SLC4A10: variants seen among roughly 807,000 people sequenced by gnomAD.
The protein encoded by SLC4A10 is solute carrier family 4 member 10, also known as sodium-driven chloride bicarbonate exchanger.
In SLC4A10, 42 loss-of-function variants were observed where a neutral mutation model predicts 137.7. The observed-to-expected ratio is 0.30, with a 90% CI of 0.24 to 0.39. The LOEUF is 0.39. SLC4A10 is among the 10% of genes least tolerant of loss of function. The pLI is 1.00. For synonymous variants in SLC4A10, 474 were observed against 464.1 expected (o/e 1.02, Z -0.27); for missense variants, 925 against 1,355.0 (o/e 0.68, Z 4.98).
In SLC4A10 at chr2:161,677,750, A is replaced by G. The variant is rs546393306; in HGVS notation, c.48+53184A>G. ...TTCTGTTACTATGTTTACTTTATAT[A>G]TGATAAAACTGGTACATAGAGAATT... On this transcript the variant is annotated intron_variant, in intron 1 of 26. Coordinates refer to ENST00000446997, the MANE Select transcript of SLC4A10 (RefSeq NM_001178015.2). 4.6e-5 allele frequency among the ~76,000 whole-genome samples: 7 copies of G among 152,324 alleles called. No homozygotes were observed. In the East Asian group the frequency reaches 7.7e-4, roughly 17 times the overall value.
At chr2:161,951,422 A>G (rs1399997848) in intron 19 of SLC4A10, among the ~76,000 whole-genome samples, 1 of 152,136 alleles carries the variant, frequency 6.6e-6, no homozygotes, top group Admixed American at 6.5e-5. Flanking sequence ...TTACATTCTG[A>G]CCTTGCCATT....
At chr2:161,859,811 A>G (rs1333914414) in intron 5 of SLC4A10, among the ~76,000 whole-genome samples, 1 of 151,942 alleles carries the variant, frequency 6.6e-6, no homozygotes, top group Non-Finnish European at 1.5e-5. Flanking sequence ...CGTGTTAGCC[A>G]GGATGGTCTC....
intron 1 of SLC4A10, among the ~76,000 whole-genome samples, chr2:161,728,414 T>C (rs2046453867): frequency 2.6e-5 from 4 of 151,656 alleles, no homozygotes; most frequent in Non-Finnish European, 5.9e-5. Context: ...GTCTCTACCA[T>C]AAAATACAAA....
chr2:161,702,356 A>G (rs1458697648), intron 1 of SLC4A10, among the ~76,000 whole-genome samples: 1 of 151,948 alleles, frequency 6.6e-6, no homozygotes, highest in African/African-American at 2.4e-5. Context: ...TTATTATTTC[A>G]ATGGATTTTT....
Position 161,947,706 on chromosome 2 carries a change from T to C in SLC4A10, c.2244T>C (p.Thr748=), listed in dbSNP as rs747719167. ...CAGCCACCCTGAAGCAGTTCAAGAC[T>C]AGCAGATATTTTCCAACCAAGGTAC... ...TLSATLKQFK[T]SRYFPTKVRS... is the part of the protein sequence containing the mutation. Residue 748 remains threonine, a synonymous_variant, in exon 17 of 27, where the codon ACT becomes ACC. Coordinates refer to ENST00000446997, the MANE Select transcript of SLC4A10 (RefSeq NM_001178015.2). 58 of 1,612,176 alleles carry C rather than the reference T, an allele frequency of 3.6e-5. No individual in the cohort carries two copies. Among genetic ancestry groups the C allele is most frequent in the Non-Finnish European group, 4.8e-5 (57 of 1,179,064 alleles).
intron 1 of SLC4A10, chr2:161,708,731 T>A: frequency 6.5e-7 from 1 of 1,529,642 alleles, no homozygotes; most frequent in Non-Finnish European, 8.7e-7. Flanking sequence ...GCTGTGATTA[T>A]CTTTTGTAAG....
chr2:161,846,671 A>G (rs1366055462), intron 4 of SLC4A10, among the ~76,000 whole-genome samples: 1 of 152,214 alleles, frequency 6.6e-6, no homozygotes, highest in Non-Finnish European at 1.5e-5. Context: ...GATACACACA[A>G]TAACTTGAAT....
At chr2:161,723,862 T>C (rs1459691707) in intron 1 of SLC4A10, among the ~76,000 whole-genome samples, 1 of 152,234 alleles carries the variant, frequency 6.6e-6, no homozygotes, top group African/African-American at 2.4e-5. Flanking sequence ...CTTCCATATC[T>C]ATAGCTGAAA....
At chr2:161,893,839 T>C (rs1462757404) in intron 10 of SLC4A10, among the ~76,000 whole-genome samples, 6 of 151,854 alleles carry the variant, frequency 4.0e-5, no homozygotes, top group Admixed American at 3.3e-4. Flanking sequence ...AATCTAGAAA[T>C]GATTTAAAGT....
chr2:161,942,661 G>A, intron 15 of SLC4A10, 131 bp from the exon 16 acceptor site: 2 of 679,864 alleles, frequency 2.9e-6, no homozygotes, highest in Non-Finnish European at 5.1e-6. Flanking sequence ...AGTAGTTTAG[G>A]ATAACCTAAC....
intron 1 of SLC4A10, among the ~76,000 whole-genome samples, chr2:161,650,713 C>T (rs1241739155): frequency 6.6e-6 from 1 of 152,150 alleles, no homozygotes; most frequent in Non-Finnish European, 1.5e-5. Flanking sequence ...GCTGGGTGTG[C>T]ATGCACCCAC....
At chr2:161,952,838 C>T (rs1319831192) in intron 19 of SLC4A10, among the ~76,000 whole-genome samples, 1 of 152,164 alleles carries the variant, frequency 6.6e-6, no homozygotes, top group Non-Finnish European at 1.5e-5. Flanking sequence ...TTCCCGTTAA[C>T]AACAACAAAA....
At chr2:161,850,625 A>G (rs1209222410) in intron 4 of SLC4A10, among the ~76,000 whole-genome samples, 2 of 152,098 alleles carry the variant, frequency 1.3e-5, no homozygotes, top group African/African-American at 4.8e-5. Context: ...TATAGCTAAT[A>G]GTATATCAAT....
At chr2:161,865,757 C>G (rs1390548750) in intron 6 of SLC4A10, among the ~76,000 whole-genome samples, 4 of 152,006 alleles carry the variant, frequency 2.6e-5, no homozygotes, top group African/African-American at 9.6e-5. Flanking sequence ...AACTCTAAAG[C>G]CTGACAAACT....
intron 26 of SLC4A10, among the ~76,000 whole-genome samples, chr2:161,978,036 G>GA (rs1699660597): frequency 6.6e-6 from 1 of 152,142 alleles, no homozygotes; most frequent in Non-Finnish European, 1.5e-5. Flanking sequence ...CAGAACTGTA[G>GA]TTAGTAATGG....
chr2:161,867,757 C>T (rs1388328890), intron 6 of SLC4A10, among the ~76,000 whole-genome samples: 1 of 151,780 alleles, frequency 6.6e-6, no homozygotes, highest in Non-Finnish European at 1.5e-5. Flanking sequence ...AATATTTAGC[C>T]CTTCTTTCTT....
At chr2:161,972,487 C>T (rs1698718577) in intron 23 of SLC4A10, among the ~76,000 whole-genome samples, 1 of 152,170 alleles carries the variant, frequency 6.6e-6, no homozygotes, top group Admixed American at 6.5e-5. Flanking sequence ...CAATGGTAAT[C>T]TCCATTCACC....
chr2:161,923,662 CG>C (rs1406744970), intron 15 of SLC4A10, among the ~76,000 whole-genome samples: 1 of 149,034 alleles, frequency 6.7e-6, no homozygotes, highest in Non-Finnish European at 1.5e-5. Context: ...CATCACACAC[CG>C]GGGCCTGTTG....
At chr2:161,827,854 CG>C in intron 3 of SLC4A10, among the ~76,000 whole-genome samples, 1 of 152,288 alleles carries the variant, frequency 6.6e-6, no homozygotes, top group African/African-American at 2.4e-5. Context: ...CGTGAGCCCC[CG>C]CGCCCGGCCA....
Sources: allele counts gnomAD v4.1 joint callset (sites outside exome capture counted in the v4.1 genomes callset), GRCh38; gene constraint gnomAD v4.1.1; transcripts MANE v1.5; gene names NCBI Gene and HGNC (gene_info 2026-07-23, HGNC 2026-07-21).